Variants in ASCC1 observed in about 807,000 individuals in gnomAD.
The protein encoded by ASCC1 is activating signal cointegrator 1 complex subunit 1, also known as ASC-1 complex subunit P50.
ASCC1 carries 35 observed loss-of-function variants against 46.6 expected under a neutral mutation model. The ratio of observed to expected loss-of-function variants is 0.75; its 90% confidence interval spans 0.57 to 0.99. The LOEUF is 0.99. ASCC1 is among the 50% of genes least tolerant of loss of function. ASCC1 has a pLI of 0.00. For missense variants in ASCC1, 376 were observed against 428.7 expected, an observed-to-expected ratio of 0.88 and a Z score of 1.09; for synonymous variants, 143 against 146.6, an observed-to-expected ratio of 0.98 and a Z score of 0.18.
intron 7 of ASCC1, 53 bp downstream of exon 7, chr10:72,152,816 G>C: frequency 6.2e-7 from 1 of 1,608,690 alleles, no homozygotes. Flanking sequence ...AAACTTTTGA[G>C]GATGCTTTTA....
At chr10:72,190,525 C>G in intron 5 of ASCC1, 1 of 1,562,580 alleles carries the variant, frequency 6.4e-7, no homozygotes, top group Non-Finnish European at 8.7e-7. Flanking sequence ...GTGGTTCTCG[C>G]AGGGCAGCTT....
At chr10:72,189,895 G>T in intron 5 of ASCC1, 2 of 620,858 alleles carry the variant, frequency 3.2e-6, no homozygotes, top group Admixed American at 2.4e-5. Context: ...ATAAGATTAA[G>T]AAAGTACAGC....
intron 5 of ASCC1, among the ~76,000 whole-genome samples, chr10:72,164,396 C>T (rs902397289): frequency 1.3e-5 from 2 of 152,150 alleles, no homozygotes; most frequent in Non-Finnish European, 2.9e-5. Context: ...CAATATAAGA[C>T]CTCTGTGACC....
intron 5 of ASCC1, among the ~76,000 whole-genome samples, chr10:72,177,522 A>G (rs1425768629): frequency 6.6e-6 from 1 of 152,262 alleles, no homozygotes; most frequent in African/African-American, 2.4e-5. Context: ...CAATATGAGC[A>G]GAATTATGTA....
intron 6 of ASCC1, 44 bp downstream of exon 6, chr10:72,161,494 A>G: frequency 6.2e-7 from 1 of 1,613,854 alleles, no homozygotes; most frequent in Non-Finnish European, 8.5e-7. Context: ...AAAAGAAGCC[A>G]GCCCAGGTAG....
At chr10:72,204,317 A>T in intron 3 of ASCC1, 1 of 1,322,284 alleles carries the variant, frequency 7.6e-7, no homozygotes, top group Non-Finnish European at 1.0e-6. Flanking sequence ...TCATGGCAAC[A>T]GCGAGCTACA....
intron 5 of ASCC1, among the ~76,000 whole-genome samples, chr10:72,184,866 A>T (rs868696747): frequency 4.6e-5 from 7 of 152,094 alleles, no homozygotes; most frequent in South Asian, 2.1e-4. Context: ...CGCACTTTTT[A>T]AAAAAAGGTT....
At chr10:72,187,083 T>C (rs1314571132) in intron 5 of ASCC1, among the ~76,000 whole-genome samples, 1 of 152,146 alleles carries the variant, frequency 6.6e-6, no homozygotes, top group African/African-American at 2.4e-5. Context: ...ATTTCAAAAC[T>C]TAGCCCCTAC....
chr10:72,165,673 T>C (rs940546248), intron 5 of ASCC1, among the ~76,000 whole-genome samples: 1 of 152,246 alleles, frequency 6.6e-6, no homozygotes, highest in Non-Finnish European at 1.5e-5. Flanking sequence ...TTACATCTGA[T>C]GAAAAGTTTT....
At chr10:72,097,848 G>A (rs2131851317) in intron 9 of ASCC1, among the ~76,000 whole-genome samples, 1 of 152,332 alleles carries the variant, frequency 6.6e-6, no homozygotes, top group Admixed American at 6.5e-5. Flanking sequence ...TCTCGGCTTT[G>A]TTGCACCAGG....
At chr10:72,168,487 G>A (rs1279051941) in intron 5 of ASCC1, among the ~76,000 whole-genome samples, 2 of 152,264 alleles carry the variant, frequency 1.3e-5, no homozygotes, top group East Asian at 3.9e-4. Flanking sequence ...AATGCAAAAT[G>A]GTACAATCCC....
chr10:72,217,045 G>T (rs1325350059), upstream of ASCC1: 4 of 454,128 alleles, frequency 8.8e-6, no homozygotes, highest in Non-Finnish European at 1.8e-5. Flanking sequence ...TCTGTCGTTT[G>T]TTCATCATTC....
In ASCC1 at chr10:72,097,951, A is replaced by G. The variant is rs188208008; in HGVS notation, c.958-501T>C. 2.3e-3 allele frequency among the ~76,000 whole-genome samples: 355 copies of G among 152,368 alleles called. 3 individuals are homozygous for G. Among genetic ancestry groups the G allele is most frequent in the African/African-American group, 7.9e-3 (330 of 41,592 alleles). On this transcript the variant is annotated intron_variant, in intron 9 of 9. Transcript: ENST00000672957. ...AGATAAGGCTCCTGACTCACAAGTGATTCAGACAAACCACTGAGGGACACA... is the reference window on the plus strand; with the variant it reads ...AGATAAGGCTCCTGACTCACAAGTGGTTCAGACAAACCACTGAGGGACACA...
At chr10:72,202,671 T>C (rs915676487) in intron 4 of ASCC1, among the ~76,000 whole-genome samples, 9 of 152,310 alleles carry the variant, frequency 5.9e-5, no homozygotes, top group Middle Eastern at 3.4e-3. Context: ...AGTTATATTA[T>C]TTTAATCATT....
intron 2 of ASCC1, among the ~76,000 whole-genome samples, chr10:72,211,095 T>C (rs973371609): frequency 3.9e-5 from 6 of 152,212 alleles, no homozygotes; most frequent in Admixed American, 6.5e-5. Flanking sequence ...CATACGGTAG[T>C]TCCCCCCATC....
intron 5 of ASCC1, among the ~76,000 whole-genome samples, chr10:72,193,590 G>T (rs1016607983): frequency 6.6e-6 from 1 of 151,834 alleles, no homozygotes; most frequent in African/African-American, 2.4e-5. Flanking sequence ...TTTTGGGGTG[G>T]AACTATTCTG....
At chr10:72,152,451 C>T (rs949190883) in intron 7 of ASCC1, among the ~76,000 whole-genome samples, 3 of 152,256 alleles carry the variant, frequency 2.0e-5, no homozygotes, top group Admixed American at 6.5e-5. Flanking sequence ...ATCCTTCCTG[C>T]CTCTTATCCT....
upstream of ASCC1, chr10:72,216,299 A>G (rs1173778873): frequency 6.2e-6 from 1 of 160,816 alleles, no homozygotes; most frequent in Non-Finnish European, 1.4e-5. Context: ...GCCGGGTTTG[A>G]CCGAGTGCGC....
intron 9 of ASCC1, among the ~76,000 whole-genome samples, chr10:72,121,000 TA>T (rs2132135233): frequency 6.6e-6 from 1 of 152,252 alleles, no homozygotes; most frequent in South Asian, 2.1e-4. Flanking sequence ...ACATATATAA[TA>T]AACATTAATC....
Sources: gnomAD v4.1 joint callset for allele counts (sites outside exome capture counted in the v4.1 genomes callset) on GRCh38, gnomAD v4.1.1 for gene constraint, MANE v1.5 for transcripts, NCBI Gene and HGNC (gene_info 2026-07-23, HGNC 2026-07-21) for gene names.